MPDZ: variants seen among roughly 807,000 people sequenced by gnomAD.
MPDZ encodes the protein multiple PDZ domain protein.
MPDZ carries 234 observed loss-of-function variants against 239.1 expected under a neutral mutation model. The observed-to-expected ratio is 0.98, with a 90% CI of 0.88 to 1.09. The LOEUF (loss-of-function observed/expected upper bound fraction) is 1.09. MPDZ is among the 50% of genes least tolerant of loss of function. MPDZ has a pLI of 0.00. For missense variants in MPDZ, 3,175 were observed against 2,510.0 expected, an observed-to-expected ratio of 1.26 and a Z score of -5.66; for synonymous variants, 1,048 against 881.3, an observed-to-expected ratio of 1.19 and a Z score of -3.35.
intron 23 of MPDZ, among the ~76,000 whole-genome samples, chr9:13,160,178 T>C (rs1180208443): frequency 1.3e-5 from 2 of 152,182 alleles, no homozygotes; most frequent in Admixed American, 6.6e-5. Context: ...ACATGCTTCG[T>C]AGACTTGTGC....
At chr9:13,112,177 A>G in intron 42 of MPDZ, 31 bp from the exon 43 acceptor site, 1 of 1,579,782 alleles carries the variant, frequency 6.3e-7, no homozygotes. Context: ...AATTTTGGTC[A>G]AAGTGATATT....
intron 24 of MPDZ, among the ~76,000 whole-genome samples, chr9:13,155,960 G>T (rs1170942881): frequency 6.6e-6 from 1 of 152,128 alleles, no homozygotes; most frequent in South Asian, 2.1e-4. Context: ...GCTATCTTAG[G>T]ATTGCATGAA....
chr9:13,193,304 C>A lies in MPDZ; in HGVS notation c.1666G>T (p.Val556Leu), dbSNP rs148348858. The change falls in exon 14 of 47, where the codon GTG becomes TTG. Residue 556 changes from valine (V) to leucine (L), a missense_variant. Val to Leu is a conservative substitution (Grantham distance 32, BLOSUM62 1). Transcript: ENST00000319217. Reference sequence around the variant, plus strand: ...CCACTGTTCTCACTAAACTTGCTCACATGGGCCACCTGAAAAGAAAAAAAA... The same window carrying A: ...CCACTGTTCTCACTAAACTTGCTCAAATGGGCCACCTGAAAAGAAAAAAAA... ...GINYEIVVAHVSKFSENSGLG... is the reference protein window; with the variant it reads ...GINYEIVVAHLSKFSENSGLG... The A allele has an allele frequency of 6.3e-6, 10 of 1,590,462 alleles. No individual in the cohort carries two copies. In the African/African-American group the frequency reaches 1.2e-4, roughly 19 times the overall value.
chr9:13,208,690 C>T (rs1219902991), intron 10 of MPDZ, among the ~76,000 whole-genome samples: 1 of 148,634 alleles, frequency 6.7e-6, no homozygotes, highest in Non-Finnish European at 1.5e-5. Flanking sequence ...ATATATATAA[C>T]AACAATATAT....
chr9:13,151,311 T>C (rs1004741736), intron 24 of MPDZ, among the ~76,000 whole-genome samples: 1 of 152,130 alleles, frequency 6.6e-6, no homozygotes. Context: ...CTTGTGGGTA[T>C]TATACCCAAA....
rs1287013074 is a variant in MPDZ at position 13,106,748 on chromosome 9, T to C, written c.*217A>G. The C allele has an allele frequency of 2.0e-6, 1 of 501,376 alleles. No individual in the cohort carries two copies. The highest frequency in any genetic ancestry group is 3.5e-6 in the Non-Finnish European group (1 of 283,782). 31.1% of individuals were successfully genotyped at this position (501,376 alleles called of 1,614,324 possible). On this transcript the variant is annotated 3_prime_UTR_variant, in exon 47 of 47. Transcript: ENST00000319217. ...GATTCACCTACACAAATATTCCTTC[T>C]CTTTAAGTTCACAAAATGCAAGAAG...
At chr9:13,254,427 T>G in intron 1 of MPDZ, among the ~76,000 whole-genome samples, 1 of 152,214 alleles carries the variant, frequency 6.6e-6, no homozygotes, top group East Asian at 1.9e-4. Context: ...TTCAAGGTAC[T>G]AAATCCCTCA....
At chr9:13,237,296 T>G (rs1220442589) in intron 3 of MPDZ, among the ~76,000 whole-genome samples, 1 of 151,012 alleles carries the variant, frequency 6.6e-6, no homozygotes, top group East Asian at 2.0e-4. Context: ...AAAAATTGCC[T>G]GGCTAGTGGC....
intron 39 of MPDZ, among the ~76,000 whole-genome samples, chr9:13,117,718 T>C (rs943922905): frequency 6.6e-6 from 1 of 152,056 alleles, no homozygotes; most frequent in East Asian, 1.9e-4. Context: ...AAGTTGTGTA[T>C]AGAGGATTAT....
Position 13,223,631 on chromosome 9 carries a change from T to C in MPDZ, c.473A>G (p.Glu158Gly). 6.2e-7 allele frequency: 1 copy of C among 1,612,536 alleles called. No homozygotes were observed. The highest frequency in any genetic ancestry group is 1.7e-4 in the Middle Eastern group (1 of 6,042). The change falls in exon 5 of 47, where the codon GAA becomes GGA. Residue 158 changes from glutamate to glycine, a missense_variant. Coordinates refer to ENST00000319217, the MANE Select transcript of MPDZ (RefSeq NM_001378778.1). ...AAATATTCCCAGCTCTCCTCTGTTT[T>C]CACTTCTTAGTCCCACAACACTAAA... ...LGFSVVGLRS[E>G]NRGELGIFVQ...
At chr9:13,122,463 C>G (rs1944494999) in intron 36 of MPDZ, among the ~76,000 whole-genome samples, 1 of 151,384 alleles carries the variant, frequency 6.6e-6, no homozygotes, top group African/African-American at 2.4e-5. Context: ...AATGAAATCA[C>G]TTTTAAGGTA....
intron 33 of MPDZ, 24 bp downstream of exon 33, chr9:13,126,656 G>GA (rs764307127): frequency 6.8e-6 from 11 of 1,612,170 alleles, no homozygotes; most frequent in Non-Finnish European, 9.3e-6. Flanking sequence ...ACTACTTAAT[G>GA]ACAGCAAGAA....
chr9:13,128,531 C>T (rs1299410141), intron 32 of MPDZ, among the ~76,000 whole-genome samples: 1 of 152,206 alleles, frequency 6.6e-6, no homozygotes, highest in African/African-American at 2.4e-5. Context: ...AGCTAAAATG[C>T]TCTGAAATTC....
Position 13,107,042 on chromosome 9 carries a change from C to G in MPDZ, c.6136G>C (p.Glu2046Gln), listed in dbSNP as rs1941574624. ...QIIAVNGQSL[E>Q]GVTHEEAVAI... The stretch of plus-strand genomic sequence containing the variant: ...ACAGCTTCTTCATGGGTGACTCCTT[C>G]TAGACTCTGCCCATTGACAGCAATG... Residue 2046 changes from glutamate (E) to glutamine (Q), a missense_variant, in exon 47 of 47, where the codon GAA becomes CAA. Glu to Gln is a conservative substitution (Grantham distance 29, BLOSUM62 2). Coordinates refer to ENST00000319217, the MANE Select transcript of MPDZ (RefSeq NM_001378778.1). The G allele has an allele frequency of 1.2e-6, 2 of 1,611,630 alleles. No individual in the cohort carries two copies. The highest frequency in any genetic ancestry group is 1.3e-5 in the African/African-American group (1 of 74,908).
chr9:13,126,528 G>A lies in MPDZ; in HGVS notation c.4620C>T (p.Tyr1540=). 1 of 1,564,834 alleles carries A rather than the reference G, an allele frequency of 6.4e-7. No homozygotes were observed. The highest frequency in any genetic ancestry group is 8.7e-7 in the Non-Finnish European group (1 of 1,153,450). The change falls in exon 34 of 47, where the codon TAC becomes TAT. Residue 1540 remains tyrosine (Y), a synonymous_variant. Coordinates refer to ENST00000319217, the MANE Select transcript of MPDZ (RefSeq NM_001378778.1). ...TTTGGAAAATTACCTTTTCAATAGGGTAACCAACAACAATTTCATCATCTA... is the reference window on the plus strand; with the variant it reads ...TTTGGAAAATTACCTTTTCAATAGGATAACCAACAACAATTTCATCATCTA... ...LAVDDEIVVG[Y]PIEKFISLLK...
intron 1 of MPDZ, among the ~76,000 whole-genome samples, chr9:13,265,589 A>G (rs962507369): frequency 1.3e-5 from 2 of 152,224 alleles, no homozygotes; most frequent in African/African-American, 4.8e-5. Flanking sequence ...AGAAGAAAAG[A>G]AAGCATTTGG....
Position 13,145,776 on chromosome 9 carries a change from G to A in MPDZ, c.3741+1772C>T, listed in dbSNP as rs553411212. Among the ~76,000 whole-genome samples the A allele has an allele frequency of 5.4e-4, 82 of 152,098 alleles. 1 individual carries two copies. The highest frequency in any genetic ancestry group is 3.4e-3 in the Middle Eastern group (1 of 294). On this transcript the variant is annotated intron_variant, in intron 26 of 46. Transcript: ENST00000319217. ...AAATAAGAGTATTTTCCAGGTGTAT[G>A]AGACAAGATCTTCCCGGCTCATTGG... is the stretch of plus-strand genomic sequence containing the variant.
In MPDZ at chr9:13,119,564, A is replaced by T; in HGVS notation, c.5317T>A (p.Leu1773Ile). ...DGRLMQGDQI[L>I]MVNGEDVRNA... ...CGAACGTCTTCCCCATTCACCATTA[A>T]TATCTGGTCTCCCTGCATCAGTCTT... The change falls in exon 39 of 47, where the codon TTA (leucine) becomes ATA (isoleucine). Residue 1773 changes from leucine to isoleucine, a missense_variant. By Grantham distance (5) the Leu-to-Ile change is conservative. Transcript: ENST00000319217. 6.2e-7 allele frequency: 1 copy of T among 1,613,946 alleles called. No individual in the cohort carries two copies. The highest frequency in any genetic ancestry group is 8.5e-7 in the Non-Finnish European group (1 of 1,179,850).
At position 13,221,538 on chromosome 9, in the gene MPDZ, A is replaced by C. The variant is rs777702303; in HGVS notation, c.748-38T>G. 31 of 1,595,300 alleles carry C rather than the reference A, an allele frequency of 1.9e-5. No individual in the cohort carries two copies. In the East Asian group the frequency reaches 7.0e-4, roughly 36 times the overall value. ...CTCATATATGAATTTGTAGAAATTT[A>C]CAAAGCACTACCATTTTACATTACA... On this transcript the variant is annotated intron_variant, in intron 6 of 46. Transcript: ENST00000319217.
Sources: gnomAD v4.1 joint callset for allele counts (sites outside exome capture counted in the v4.1 genomes callset) on GRCh38, gnomAD v4.1.1 for gene constraint, MANE v1.5 for transcripts, NCBI Gene and HGNC (gene_info 2026-07-23, HGNC 2026-07-21) for gene names.